Variants in KIZ observed in about 807,000 individuals in gnomAD.
KIZ encodes the protein centrosomal protein kizuna.
Under a neutral mutation model 79.6 loss-of-function variants are expected in KIZ, and 68 were observed. The observed-to-expected ratio is 0.85, with a 90% CI of 0.70 to 1.05. The LOEUF (loss-of-function observed/expected upper bound fraction) is 1.05, where lower values mean the gene tolerates loss of function less well. Among genes scored for constraint, KIZ ranks in the 50% least tolerant of loss-of-function variants. The pLI, the probability that KIZ is intolerant of heterozygous loss-of-function variation, is 0.00. For missense variants in KIZ, 797 were observed against 800.4 expected (o/e 1.00, Z 0.05); for synonymous variants, 280 against 281.8 (o/e 0.99, Z 0.06).
chr20:21,229,581 A>C (rs1246967167), intron 10 of KIZ, among the ~76,000 whole-genome samples: 2 of 151,920 alleles, frequency 1.3e-5, no homozygotes, highest in Non-Finnish European at 2.9e-5. Context: ...ATTTTATTTC[A>C]TTTTATTTTA....
At chr20:21,148,029 A>G (rs2032938175) in intron 4 of KIZ, among the ~76,000 whole-genome samples, 1 of 149,346 alleles carries the variant, frequency 6.7e-6, no homozygotes, top group Admixed American at 6.7e-5. Context: ...TGAGCAGAGC[A>G]GTCACATCCC....
At chr20:21,225,591 C>G (rs1377088676) in intron 9 of KIZ, among the ~76,000 whole-genome samples, 1 of 152,188 alleles carries the variant, frequency 6.6e-6, no homozygotes, top group Non-Finnish European at 1.5e-5. Context: ...CTAACTTGAA[C>G]TTCTAGAGTC....
Position 21,187,821 on chromosome 20 carries a change from C to G in KIZ, c.1353-17670C>G, listed in dbSNP as rs759002261. The stretch of plus-strand genomic sequence containing the variant: ...TTAATGATAGAACTGATTATAATGT[C>G]TAGTAAATTCTTTATGATATGTTTG... On this transcript the variant is annotated intron_variant, in intron 6 of 12. Coordinates refer to ENST00000619189, the MANE Select transcript of KIZ (RefSeq NM_018474.6). Among the ~76,000 whole-genome samples, 54 of 152,252 alleles carry G rather than the reference C, an allele frequency of 3.5e-4. 1 individual carries two copies. The highest frequency in any genetic ancestry group is 1.9e-4 in the Non-Finnish European group (13 of 68,030).
intron 6 of KIZ, chr20:21,197,618 G>T (rs1390157736): frequency 6.6e-6 from 1 of 152,192 alleles, no homozygotes; most frequent in Non-Finnish European, 1.5e-5. Context: ...AGGGTTAAAA[G>T]TTACTTCCTC....
At position 21,229,013 on chromosome 20, in the gene KIZ, A is replaced by G. The variant is rs368737215; in HGVS notation, c.1681A>G (p.Thr561Ala). Reference protein sequence around the residue: ...NVAADIPITETEAYQLLKKAT... With the variant: ...NVAADIPITEAEAYQLLKKAT... Reference sequence around the variant, plus strand: ...CTGTGTTTTTCTTTAATCAACAGAAACAGAAGCCTATCAGTTGCTGAAGAA... The same window carrying G: ...CTGTGTTTTTCTTTAATCAACAGAAGCAGAAGCCTATCAGTTGCTGAAGAA... Residue 561 changes from threonine to alanine, a missense_variant and splice_region_variant, in exon 10 of 13, where the codon ACA (threonine) becomes GCA (alanine). Coordinates refer to ENST00000619189, the MANE Select transcript of KIZ (RefSeq NM_018474.6). 6.3e-7 allele frequency: 1 copy of G among 1,582,476 alleles called. No homozygotes were observed. The highest frequency in any genetic ancestry group is 8.7e-7 in the Non-Finnish European group (1 of 1,154,510).
intron 4 of KIZ, among the ~76,000 whole-genome samples, chr20:21,147,516 T>C (rs916840743): frequency 6.6e-6 from 1 of 152,200 alleles, no homozygotes; most frequent in Non-Finnish European, 1.5e-5. Flanking sequence ...TCCAAGCTTC[T>C]CTTCTTTGGG....
At chr20:21,244,566 C>T in intron 12 of KIZ, 1 of 460,952 alleles carries the variant, frequency 2.2e-6, no homozygotes, top group Non-Finnish European at 3.8e-6. Flanking sequence ...AATTAATTAT[C>T]AGCACCCTGT....
chr20:21,135,414 A>G (rs1273858762), intron 2 of KIZ, among the ~76,000 whole-genome samples: 1 of 152,218 alleles, frequency 6.6e-6, no homozygotes, highest in Admixed American at 6.5e-5. Context: ...TTCAGTTTTT[A>G]TTCAGAAAGA....
chr20:21,184,598 C>T (rs1312708913), intron 6 of KIZ, among the ~76,000 whole-genome samples: 2 of 152,170 alleles, frequency 1.3e-5, no homozygotes, highest in Admixed American at 1.3e-4. Context: ...TTTGGAAAAA[C>T]CAAGTTTGTT....
chr20:21,240,308 A>G (rs1001575420), intron 11 of KIZ, among the ~76,000 whole-genome samples: 1 of 152,056 alleles, frequency 6.6e-6, no homozygotes, highest in Non-Finnish European at 1.5e-5. Flanking sequence ...TATTATTAGT[A>G]GAGACAGGGT....
intron 9 of KIZ, chr20:21,225,977 C>G (rs947206358): frequency 1.3e-5 from 2 of 152,244 alleles, no homozygotes; most frequent in Admixed American, 6.5e-5. Context: ...AAAGCTTTTC[C>G]TAACATCTAG....
chr20:21,219,471 C>CCATGCCTGGCAG (rs1371313716), intron 9 of KIZ, among the ~76,000 whole-genome samples: 11 of 152,090 alleles, frequency 7.2e-5, no homozygotes, highest in Admixed American at 7.2e-4. Flanking sequence ...GCATGCACCA[C>CCATGCCTGGCAG]CATGCCTGGC....
At chr20:21,158,464 A>G (rs1254606374) in intron 4 of KIZ, 1 of 152,238 alleles carries the variant, frequency 6.6e-6, no homozygotes, top group Non-Finnish European at 1.5e-5. Context: ...TTTGGAGTGG[A>G]AGATGGTGGG....
chr20:21,134,752 T>A (rs2032075620), intron 2 of KIZ, among the ~76,000 whole-genome samples: 1 of 149,378 alleles, frequency 6.7e-6, no homozygotes, highest in Non-Finnish European at 1.5e-5. Flanking sequence ...CTGCAGCCTC[T>A]GCCTCCCGGG....
chr20:21,174,752 A>G (rs1432976576), intron 6 of KIZ, among the ~76,000 whole-genome samples: 3 of 152,226 alleles, frequency 2.0e-5, no homozygotes, highest in Non-Finnish European at 4.4e-5. Context: ...TCTCAAGGTC[A>G]TAAAAATGTG....
chr20:21,153,986 T>A (rs754972973), intron 4 of KIZ: 1 of 152,348 alleles, frequency 6.6e-6, no homozygotes, highest in South Asian at 2.1e-4. Context: ...ATGTAAAATA[T>A]GTATAATAAT....
chr20:21,149,514 G>A (rs2033010612), intron 4 of KIZ, among the ~76,000 whole-genome samples: 1 of 152,212 alleles, frequency 6.6e-6, no homozygotes, highest in Non-Finnish European at 1.5e-5. Flanking sequence ...AGCCTGCACG[G>A]CCACAGGAGG....
intron 1 of KIZ, among the ~76,000 whole-genome samples, chr20:21,128,513 G>A (rs1319876955): frequency 6.6e-6 from 1 of 152,224 alleles, no homozygotes; most frequent in Non-Finnish European, 1.5e-5. Context: ...TCATTGCAAT[G>A]TTAGCTGGTC....
intron 6 of KIZ, among the ~76,000 whole-genome samples, chr20:21,193,068 GGGGGAGGGAA>G (rs113372725): frequency 0.015 from 2,212 of 152,040 alleles, 48 homozygotes; most frequent in African/African-American, 0.05. Context: ...GGAGGGAGGT[GGGGGAGGGAA>G]GGTCAGAGAG....
Sources: gnomAD v4.1 joint callset for allele counts (sites outside exome capture counted in the v4.1 genomes callset) on GRCh38, gnomAD v4.1.1 for gene constraint, MANE v1.5 for transcripts, NCBI Gene and HGNC (gene_info 2026-07-23, HGNC 2026-07-21) for gene names.